IFIH1: variants seen among roughly 807,000 people sequenced by gnomAD.
IFIH1 encodes interferon induced with helicase C domain 1, also known as interferon-induced helicase C domain-containing protein 1.
In IFIH1, 125 loss-of-function variants were observed where a neutral mutation model predicts 107.4. The observed-to-expected ratio is 1.16, with a 90% confidence interval of 1.01 to 1.35. The LOEUF is 1.35. IFIH1 is among the 40% of genes most tolerant of loss of function. The pLI is 0.00. For missense variants in IFIH1, 1,333 were observed against 1,213.7 expected (o/e 1.10, Z -1.46); for synonymous variants, 458 against 413.2 (o/e 1.11, Z -1.31).
chr2:162,314,120 A>C (rs1297296762), intron 1 of IFIH1, among the ~76,000 whole-genome samples: 3 of 152,186 alleles, frequency 2.0e-5, no homozygotes, highest in Non-Finnish European at 4.4e-5. Flanking sequence ...CCCAGAGTTC[A>C]TGACTGCCTA....
At chr2:162,286,314 C>T (rs1158355946) in intron 5 of IFIH1, among the ~76,000 whole-genome samples, 4 of 151,992 alleles carry the variant, frequency 2.6e-5, no homozygotes, top group East Asian at 1.9e-4. Context: ...GAACTCTAAC[C>T]GGTGATTGTG....
intron 3 of IFIH1, among the ~76,000 whole-genome samples, chr2:162,304,960 A>C (rs1041272926): frequency 7.9e-5 from 12 of 152,206 alleles, no homozygotes; most frequent in African/African-American, 2.2e-4. Flanking sequence ...ATATGTTTTT[A>C]AAAAGCAAAC....
At chr2:162,293,538 A>G in intron 4 of IFIH1, 26 bp downstream of exon 4, 1 of 1,448,956 alleles carries the variant, frequency 6.9e-7, no homozygotes. Flanking sequence ...ACACTTTTTA[A>G]GGTTTACACA....
At chr2:162,281,737 A>T (rs1682814198) in intron 6 of IFIH1, among the ~76,000 whole-genome samples, 192 bp from the exon 7 acceptor site, 1 of 151,994 alleles carries the variant, frequency 6.6e-6, no homozygotes, top group Non-Finnish European at 1.5e-5. Flanking sequence ...CGTATATACT[A>T]ATCATGAAAC....
intron 11 of IFIH1, among the ~76,000 whole-genome samples, chr2:162,276,306 A>T (rs886363506): frequency 6.6e-6 from 1 of 152,194 alleles, no homozygotes; most frequent in African/African-American, 2.4e-5. Context: ...ATAACAGCAT[A>T]AGAAAAGAAG....
At chr2:162,316,829 T>C (rs1274998754) in intron 1 of IFIH1, among the ~76,000 whole-genome samples, 2 of 152,174 alleles carry the variant, frequency 1.3e-5, no homozygotes, top group Non-Finnish European at 2.9e-5. Context: ...TCTTCACTTA[T>C]CAAAAAATAA....
intron 5 of IFIH1, among the ~76,000 whole-genome samples, chr2:162,287,621 C>T (rs1446305284): frequency 6.6e-6 from 1 of 151,702 alleles, no homozygotes; most frequent in African/African-American, 2.4e-5. Flanking sequence ...GATGTAGATA[C>T]CAAACCTTCA....
chr2:162,276,996 T>C, intron 10 of IFIH1, 50 bp from the exon 11 acceptor site: 1 of 1,371,856 alleles, frequency 7.3e-7, no homozygotes, highest in Non-Finnish European at 1.0e-6. Context: ...ATTTAGCCAC[T>C]CCACAATGTA....
At chr2:162,280,855 C>G (rs573666331) in intron 7 of IFIH1, among the ~76,000 whole-genome samples, 1 of 151,996 alleles carries the variant, frequency 6.6e-6, no homozygotes, top group Non-Finnish European at 1.5e-5. Flanking sequence ...GGGCAGCTGA[C>G]AAGCTCATCT....
At chr2:162,281,038 A>G (rs915364493) in intron 7 of IFIH1, among the ~76,000 whole-genome samples, 1 of 152,080 alleles carries the variant, frequency 6.6e-6, no homozygotes, top group African/African-American at 2.4e-5. Context: ...GTAGATCATT[A>G]AATTTAACCA....
chr2:162,293,090 C>T (rs1683025939), intron 4 of IFIH1, among the ~76,000 whole-genome samples: 1 of 151,874 alleles, frequency 6.6e-6, no homozygotes, highest in South Asian at 2.1e-4. Context: ...CAACTCTACT[C>T]CTATTCAAAA....
rs1683546841 is a variant in IFIH1, at chr2:162,318,147, C to G, written c.161G>C (p.Gly54Ala). 2 of 1,614,068 alleles carry G rather than the reference C, an allele frequency of 1.2e-6. No homozygotes were observed. Among genetic ancestry groups the G allele is most frequent in the African/African-American group, 2.7e-5 (2 of 74,922 alleles). Reference protein sequence around the residue: ...EQIQRTVATSGNMQAVELLLS... With the variant: ...EQIQRTVATSANMQAVELLLS... ...CAGCAGTTCAACTGCCTGCATGTTC[C>G]CGGAGGTGGCGACTGTCCTCTGAAT... The change falls in exon 1 of 16, where the codon GGG (glycine) becomes GCG (alanine). Residue 54 changes from glycine (G) to alanine (A), a missense_variant. Gly to Ala is a moderately conservative substitution (Grantham distance 60, BLOSUM62 0). Coordinates refer to ENST00000649979, the MANE Select transcript of IFIH1 (RefSeq NM_022168.4).
intron 1 of IFIH1, among the ~76,000 whole-genome samples, chr2:162,317,059 T>G (rs939820241): frequency 6.6e-6 from 1 of 150,882 alleles, no homozygotes; most frequent in African/African-American, 2.4e-5. Flanking sequence ...GTGATTGCAA[T>G]TTACCCATTT....
At chr2:162,283,946 G>T (rs778827886) in intron 5 of IFIH1, among the ~76,000 whole-genome samples, 1 of 151,522 alleles carries the variant, frequency 6.6e-6, no homozygotes, top group Non-Finnish European at 1.5e-5. Flanking sequence ...AGGTGGAAAG[G>T]GTAGAAAGAG....
intron 1 of IFIH1, among the ~76,000 whole-genome samples, chr2:162,316,957 A>G (rs1385296267): frequency 1.3e-5 from 2 of 152,164 alleles, no homozygotes; most frequent in Non-Finnish European, 2.9e-5. Context: ...CATTCTTTCA[A>G]TGAATTGTTT....
At chr2:162,287,197 T>C (rs1413816815) in intron 5 of IFIH1, among the ~76,000 whole-genome samples, 2 of 151,982 alleles carry the variant, frequency 1.3e-5, no homozygotes, top group East Asian at 3.9e-4. Flanking sequence ...ATCATTCAAA[T>C]CATGGATTCT....
At chr2:162,273,733 C>T in intron 12 of IFIH1, 62 bp downstream of exon 12, 1 of 1,195,810 alleles carries the variant, frequency 8.4e-7, no homozygotes, top group East Asian at 2.6e-5. Flanking sequence ...TAAAAGAAAG[C>T]AATTAAAATA....
intron 5 of IFIH1, among the ~76,000 whole-genome samples, chr2:162,284,616 C>A (rs1033493839): frequency 1.3e-5 from 2 of 151,730 alleles, no homozygotes; most frequent in Non-Finnish European, 2.9e-5. Flanking sequence ...CCCTGAATTG[C>A]CAATTAAAGT....
At chr2:162,299,774 T>C (rs1192248789) in intron 3 of IFIH1, among the ~76,000 whole-genome samples, 1 of 152,162 alleles carries the variant, frequency 6.6e-6, no homozygotes, top group African/African-American at 2.4e-5. Flanking sequence ...AAATTACTGT[T>C]AGAGAAACTC....
Sources: gnomAD v4.1 joint callset for allele counts (sites outside exome capture counted in the v4.1 genomes callset) on GRCh38, gnomAD v4.1.1 for gene constraint, MANE v1.5 for transcripts, NCBI Gene and HGNC (gene_info 2026-07-23, HGNC 2026-07-21) for gene names.